JAKMIP1: variants seen among roughly 807,000 people sequenced by gnomAD.
JAKMIP1 encodes janus kinase and microtubule interacting protein 1, also known as janus kinase and microtubule-interacting protein 1.
A neutral mutation model predicts 113.0 loss-of-function variants in JAKMIP1; 33 were observed. That is an observed-to-expected ratio of 0.29 (90% CI 0.22 to 0.39). JAKMIP1 has a LOEUF of 0.39. Among genes scored for constraint, JAKMIP1 ranks in the 10% least tolerant of loss-of-function variants. The pLI is 1.00. For missense variants in JAKMIP1, 813 were observed against 1,080.5 expected (o/e 0.75, Z 3.47); for synonymous variants, 480 against 459.9 (o/e 1.04, Z -0.56).
intron 1 of JAKMIP1, among the ~76,000 whole-genome samples, chr4:6,120,569 C>G (rs1264821016): frequency 1.3e-5 from 2 of 152,234 alleles, no homozygotes; most frequent in South Asian, 4.1e-4. Context: ...GGCATGTGAG[C>G]CCTGCCGGGC....
At position 6,073,319 on chromosome 4, in the gene JAKMIP1, C is replaced by T. The variant is rs112722583; in HGVS notation, c.1302+5620G>A. Among the ~76,000 whole-genome samples the T allele has an allele frequency of 4.5e-3, 689 of 152,214 alleles. 6 individuals are homozygous for T. Among genetic ancestry groups the T allele is most frequent in the African/African-American group, 0.016 (649 of 41,518 alleles). The stretch of plus-strand genomic sequence containing the variant: ...TGCAAGAGCCACTGACAAAAATGGC[C>T]CGCCAGACCTCAGGCATCCTCCAAC... On this transcript the variant is annotated intron_variant, in intron 8 of 20. Transcript: ENST00000409021.
chr4:6,155,160 G>C lies in JAKMIP1; in HGVS notation c.-147-42163C>G, dbSNP rs570522261. On this transcript the variant is annotated intron_variant, in intron 1 of 20. Transcript: ENST00000409021. This position sits in a 1 kb window ranked among gnomAD's most constrained non-coding sequence, Gnocchi z 6.1. ...TGCAGTTGACTCTCCGCTATCAAAAGGCCTACACATGAATGCCTGGCTGGA... is the reference window on the plus strand; with the variant it reads ...TGCAGTTGACTCTCCGCTATCAAAACGCCTACACATGAATGCCTGGCTGGA... Among the ~76,000 whole-genome samples, 4,539 of 152,180 alleles carry C rather than the reference G, an allele frequency of 0.03. 235 individuals are homozygous for C. The highest frequency in any genetic ancestry group is 0.1 in the African/African-American group (4,299 of 41,492).
chr4:6,124,514 C>G (rs906921729), intron 1 of JAKMIP1, among the ~76,000 whole-genome samples: 2 of 152,228 alleles, frequency 1.3e-5, no homozygotes, highest in Non-Finnish European at 2.9e-5. Flanking sequence ...CCAGCCAGCC[C>G]TCACCCTTGC....
chr4:6,182,358 G>C (rs1459590394), intron 1 of JAKMIP1, among the ~76,000 whole-genome samples: 1 of 143,454 alleles, frequency 7.0e-6, no homozygotes, highest in Non-Finnish European at 1.5e-5. Flanking sequence ...GCAATGAACA[G>C]TGATTACACC....
intron 1 of JAKMIP1, among the ~76,000 whole-genome samples, chr4:6,119,479 G>A (rs747942450): frequency 2.8e-4 from 42 of 152,226 alleles, no homozygotes; most frequent in Admixed American, 1.4e-3. Flanking sequence ...GGGAGGTGGA[G>A]GTTGCGGTGA....
At position 6,155,074 on chromosome 4, in the gene JAKMIP1, C is replaced by A. The variant is rs957693404; in HGVS notation, c.-147-42077G>T. ...AGACAGTCGGGAGATGCCAGCCCAG[C>A]CTGCTGGGAAGATACTTCTGGTGAC... On this transcript the variant is annotated intron_variant, in intron 1 of 20. Coordinates refer to ENST00000409021, the MANE Select transcript of JAKMIP1 (RefSeq NM_001099433.2). The surrounding 1 kb of genome is among the most constrained non-coding windows in gnomAD (Gnocchi z 6.1). Among the ~76,000 whole-genome samples the A allele has an allele frequency of 1.3e-5, 2 of 152,244 alleles. No individual in the cohort carries two copies. Among genetic ancestry groups the A allele is most frequent in the South Asian group, 2.1e-4 (1 of 4,820 alleles).
intron 1 of JAKMIP1, among the ~76,000 whole-genome samples, chr4:6,145,731 G>C (rs1464870947): frequency 2.0e-5 from 3 of 152,150 alleles, no homozygotes; most frequent in Non-Finnish European, 4.4e-5. Flanking sequence ...GGGCATCTAA[G>C]GTCATGGTAT....
chr4:6,074,990 G>A (rs940285050), intron 8 of JAKMIP1, among the ~76,000 whole-genome samples: 3 of 152,170 alleles, frequency 2.0e-5, no homozygotes, highest in East Asian at 1.9e-4. Context: ...TGACAAAGTC[G>A]CCTAATGACG....
At chr4:6,046,707 G>A (rs1030778900) in intron 16 of JAKMIP1, among the ~76,000 whole-genome samples, 1 of 152,196 alleles carries the variant, frequency 6.6e-6, no homozygotes, top group Admixed American at 6.5e-5. Context: ...CTGTCCTAGA[G>A]GGCTGCTAAT....
Position 6,080,459 on chromosome 4 carries a change from TC to T in JAKMIP1, c.1102-148del. 1 of 959,062 alleles carries T rather than the reference TC, an allele frequency of 1.0e-6. No homozygotes were observed. The highest frequency in any genetic ancestry group is 1.5e-6 in the Non-Finnish European group (1 of 663,046). The allele number at this position is 959,062 out of a possible 1,614,324, so 59.4% of individuals were successfully genotyped here. ...GATGGCCTGATATGGTTTGGCTGTG[TC>T]CCCACCCAAATCTCATCTTGAATTG... On this transcript the variant is annotated intron_variant, in intron 6 of 20. Transcript: ENST00000409021. The surrounding 1 kb of genome is among the most constrained non-coding windows in gnomAD (Gnocchi z 6.0).
At chr4:6,092,393 C>G (rs1221264653) in intron 3 of JAKMIP1, among the ~76,000 whole-genome samples, 4 of 152,198 alleles carry the variant, frequency 2.6e-5, no homozygotes, top group African/African-American at 9.7e-5. Flanking sequence ...GCTTGTGTAC[C>G]GATGCCCAGA....
chr4:6,174,005 G>T (rs1238267857), intron 1 of JAKMIP1, among the ~76,000 whole-genome samples: 1 of 152,182 alleles, frequency 6.6e-6, no homozygotes, highest in Non-Finnish European at 1.5e-5. Context: ...GAAGGTGGAG[G>T]TTGCAGTGAG....
At chr4:6,177,270 G>A (rs539754377) in intron 1 of JAKMIP1, among the ~76,000 whole-genome samples, 2 of 152,272 alleles carry the variant, frequency 1.3e-5, no homozygotes, top group South Asian at 2.1e-4. Flanking sequence ...CATCTGATCC[G>A]ACCTCCCCAT....
chr4:6,046,549 C>T (rs1560106843), intron 16 of JAKMIP1, among the ~76,000 whole-genome samples: 1 of 147,754 alleles, frequency 6.8e-6, no homozygotes, highest in African/African-American at 2.5e-5. Flanking sequence ...GGCTGACCAG[C>T]TTGGGGAGGT....
chr4:6,079,379 A>G (rs1219731690), intron 7 of JAKMIP1, among the ~76,000 whole-genome samples: 3 of 151,988 alleles, frequency 2.0e-5, no homozygotes, highest in Non-Finnish European at 4.4e-5. Flanking sequence ...TGGATGGGTG[A>G]AAGGAAGAAA....
chr4:6,029,402 C>T (rs147681079), intron 20 of JAKMIP1, among the ~76,000 whole-genome samples: 215 of 152,268 alleles, frequency 1.4e-3, no homozygotes, highest in Middle Eastern at 6.8e-3. Context: ...CTGACCTCAT[C>T]GGGCTAATGT....
intron 2 of JAKMIP1, among the ~76,000 whole-genome samples, chr4:6,112,025 G>A (rs1443133095): frequency 3.9e-5 from 6 of 152,290 alleles, no homozygotes; most frequent in Middle Eastern, 3.4e-3. Context: ...GATGGGAAGC[G>A]GGGAAGTGGG....
intron 8 of JAKMIP1, among the ~76,000 whole-genome samples, chr4:6,075,255 G>A (rs1431749664): frequency 6.6e-6 from 1 of 152,130 alleles, no homozygotes; most frequent in Non-Finnish European, 1.5e-5. Context: ...TTTTCAACCA[G>A]AGGTTGGTTG....
chr4:6,175,109 C>T (rs1725180440), intron 1 of JAKMIP1, among the ~76,000 whole-genome samples: 2 of 152,170 alleles, frequency 1.3e-5, no homozygotes, highest in African/African-American at 4.8e-5. Context: ...TCCCACAAGT[C>T]CCCCCAAACT....
Sources: allele counts gnomAD v4.1 joint callset (sites outside exome capture counted in the v4.1 genomes callset), GRCh38; gene constraint gnomAD v4.1.1; non-coding constraint Gnocchi (gnomAD v3.1); transcripts MANE v1.5; gene names NCBI Gene and HGNC (gene_info 2026-07-23, HGNC 2026-07-21).